PRR11: variants seen among roughly 807,000 people sequenced by gnomAD.
PRR11 encodes the protein proline-rich protein 11.
In PRR11, 30 loss-of-function variants were observed where a neutral mutation model predicts 45.6. That is an observed-to-expected ratio of 0.66 (90% CI 0.49 to 0.89). The LOEUF is 0.89. Among genes scored for constraint, PRR11 ranks in the 40% least tolerant of loss-of-function variants. PRR11 has a pLI of 0.00. For missense variants in PRR11, 373 were observed against 424.8 expected (o/e 0.88, Z 1.07); for synonymous variants, 128 against 153.5 (o/e 0.83, Z 1.23).
In PRR11 at chr17:59,185,150, T is replaced by TTA; in HGVS notation, c.226_227insAT (p.Trp76TyrfsTer17). 1 of 1,614,084 alleles carries TTA rather than the reference T, an allele frequency of 6.2e-7. No homozygotes were observed. The highest frequency in any genetic ancestry group is 8.5e-7 in the Non-Finnish European group (1 of 1,180,012). The stretch of plus-strand genomic sequence containing the variant: ...CTAACATCAGAGATGCAATAAAACT[T>TTA]TGGACAAATAGAGTATGGTCTATAT... On this transcript the variant is annotated frameshift_variant, in exon 3 of 10. Transcript: ENST00000262293. LOFTEE classifies it high-confidence loss of function.
chr17:59,195,720 G>C (rs904788213), intron 7 of PRR11, among the ~76,000 whole-genome samples: 3 of 152,064 alleles, frequency 2.0e-5, no homozygotes, highest in South Asian at 4.1e-4. Flanking sequence ...CCCATTTAAA[G>C]ATGCTGTTTA....
chr17:59,201,569 C>T lies in PRR11; in HGVS notation c.1021C>T (p.His341Tyr), dbSNP rs758812533. The T allele has an allele frequency of 2.5e-6, 4 of 1,611,402 alleles. No homozygotes were observed. The highest frequency in any genetic ancestry group is 3.4e-6 in the Non-Finnish European group (4 of 1,179,726). ...QALRRKFQLA[H>Y]PRSPTPTLPL... ...GGACTTTTTTTTTTTATAGCTGGCT[C>T]ACCCTAGAAGCCCAACTCCAACTCT... Residue 341 changes from histidine (H) to tyrosine (Y), a missense_variant, in exon 10 of 10, where the codon CAC (histidine) becomes TAC (tyrosine). Transcript: ENST00000262293.
chr17:59,178,515 T>C, intron 2 of PRR11: 1 of 526,316 alleles, frequency 1.9e-6, no homozygotes. Flanking sequence ...CGAGGAAGCT[T>C]TTAATGACAG....
intron 4 of PRR11, among the ~76,000 whole-genome samples, chr17:59,193,244 C>T (rs866473770): frequency 6.6e-6 from 1 of 152,090 alleles, no homozygotes. Context: ...CTTCTGTCAC[C>T]GAACTGTCAG....
chr17:59,169,765 A>G lies in PRR11; in HGVS notation c.13A>G (p.Lys5Glu). 6.3e-7 allele frequency: 1 copy of G among 1,592,162 alleles called. No individual in the cohort carries two copies. Among genetic ancestry groups the G allele is most frequent in the African/African-American group, 1.4e-5 (1 of 73,288 alleles). The change falls in exon 2 of 10, where the codon AAA becomes GAA. Residue 5 changes from lysine to glutamate, a missense_variant. Coordinates refer to ENST00000262293, the MANE Select transcript of PRR11 (RefSeq NM_018304.4). MPKF[K>E]QRRRKLKAKA... ...CTCTGCAGAAATCATGCCCAAGTTC[A>G]AACAACGAAGACGAAAGCTAAAAGC...
chr17:59,173,178 AG>A (rs1339570812), intron 2 of PRR11, among the ~76,000 whole-genome samples: 1 of 152,190 alleles, frequency 6.6e-6, no homozygotes, highest in African/African-American at 2.4e-5. Flanking sequence ...TTTTGTGTCT[AG>A]CTCAGGGATT....
At chr17:59,168,500 C>A (rs2046690683) in intron 1 of PRR11, among the ~76,000 whole-genome samples, 2 of 151,612 alleles carry the variant, frequency 1.3e-5, no homozygotes, top group Non-Finnish European at 1.5e-5. Context: ...TAAAATAACT[C>A]TTTTAAGGCC....
At chr17:59,162,355 G>C (rs2046657803) in intron 1 of PRR11, among the ~76,000 whole-genome samples, 1 of 151,830 alleles carries the variant, frequency 6.6e-6, no homozygotes, top group Non-Finnish European at 1.5e-5. Flanking sequence ...TAGGACTCTA[G>C]AAATTTGTAT....
chr17:59,171,891 C>T (rs2046710807), intron 2 of PRR11, among the ~76,000 whole-genome samples: 1 of 151,598 alleles, frequency 6.6e-6, no homozygotes, highest in Non-Finnish European at 1.5e-5. Flanking sequence ...ATACAGAAAA[C>T]ATTTAAAGAT....
rs187461309 is a variant in PRR11 at position 59,200,523 on chromosome 17, C to G, written c.1015-1040C>G. Reference sequence around the variant, plus strand: ...TTTAATTTTTTTTGAGACGGAGTCTCGCTCTGTCGCCCAGGCTGGAGTACA... The same window carrying G: ...TTTAATTTTTTTTGAGACGGAGTCTGGCTCTGTCGCCCAGGCTGGAGTACA... On this transcript the variant is annotated intron_variant, in intron 9 of 9. Coordinates refer to ENST00000262293, the MANE Select transcript of PRR11 (RefSeq NM_018304.4). 8.6e-3 allele frequency among the ~76,000 whole-genome samples: 1,302 copies of G among 152,224 alleles called. 12 individuals carry two copies. The highest frequency in any genetic ancestry group is 0.016 in the South Asian group (75 of 4,822).
rs118173807 is a variant in PRR11 at position 59,163,225 on chromosome 17, G to A, written c.-5-6523G>A. Among the ~76,000 whole-genome samples the A allele has an allele frequency of 7.2e-5, 11 of 152,072 alleles. No individual in the cohort carries two copies. In the East Asian group the frequency reaches 2.1e-3, roughly 29 times the overall value. On this transcript the variant is annotated intron_variant, in intron 1 of 9. Transcript: ENST00000262293. ...CCTGCCTCAGCCTCCCAGATAGCTG[G>A]GACTACAGCCACATGCCTGGCTAAA...
At chr17:59,181,956 ACTT>A (rs1232065171) in intron 2 of PRR11, among the ~76,000 whole-genome samples, 3 of 147,624 alleles carry the variant, frequency 2.0e-5, no homozygotes, top group Admixed American at 1.3e-4. Context: ...TCCTCAGAAC[ACTT>A]CTTCATGTCC....
At chr17:59,179,152 A>T (rs960167534) in intron 2 of PRR11, among the ~76,000 whole-genome samples, 1 of 152,052 alleles carries the variant, frequency 6.6e-6, no homozygotes. Flanking sequence ...GGCGTGTGCT[A>T]CCACGCCTGG....
At chr17:59,200,876 C>T (rs949404961) in intron 9 of PRR11, among the ~76,000 whole-genome samples, 2 of 151,958 alleles carry the variant, frequency 1.3e-5, no homozygotes, top group Non-Finnish European at 2.9e-5. Flanking sequence ...CCTCTTGTCT[C>T]GGCCTCCCAA....
intron 2 of PRR11, among the ~76,000 whole-genome samples, chr17:59,176,993 A>T (rs1467991180): frequency 1.3e-5 from 2 of 152,106 alleles, no homozygotes; most frequent in African/African-American, 4.8e-5. Flanking sequence ...CACCGCGCCC[A>T]GCCTGAGTTT....
chr17:59,172,488 G>A (rs1331036863), intron 2 of PRR11, among the ~76,000 whole-genome samples: 2 of 152,334 alleles, frequency 1.3e-5, no homozygotes, highest in African/African-American at 2.4e-5. Flanking sequence ...GGCCAAGGCC[G>A]GAGCCAGCTC....
intron 2 of PRR11, 21 bp downstream of exon 2, chr17:59,169,901 G>GA (rs1196237043): frequency 2.9e-5 from 45 of 1,578,690 alleles, no homozygotes; most frequent in Non-Finnish European, 3.7e-5. Context: ...ATGTGGAACA[G>GA]AAAAAATATT....
intron 2 of PRR11, chr17:59,177,221 G>T (rs981653629): frequency 2.2e-5 from 12 of 547,492 alleles, no homozygotes; most frequent in Middle Eastern, 6.4e-4. Context: ...AGGCCGGCGC[G>T]GCTAAAATAT....
intron 7 of PRR11, among the ~76,000 whole-genome samples, chr17:59,195,857 T>C (rs2147855306): frequency 6.6e-6 from 1 of 152,156 alleles, no homozygotes; most frequent in East Asian, 1.9e-4. Context: ...AGTAGGAGGA[T>C]TGCTTGAGGC....
Sources: allele counts gnomAD v4.1 joint callset (sites outside exome capture counted in the v4.1 genomes callset), GRCh38; gene constraint gnomAD v4.1.1; transcripts MANE v1.5; gene names NCBI Gene and HGNC (gene_info 2026-07-23, HGNC 2026-07-21).